Variants in ACACA observed in about 807,000 individuals in gnomAD.
ACACA encodes acetyl-CoA carboxylase 1.
In ACACA, 103 loss-of-function variants were observed where a neutral mutation model predicts 296.1. That is an observed-to-expected ratio of 0.35 (90% CI 0.30 to 0.41). ACACA has a LOEUF of 0.41. Ranked by LOEUF, ACACA falls within the 10% of genes least tolerant of loss-of-function variation. The pLI is 1.00. For synonymous variants in ACACA, 953 were observed against 1,038.6 expected, an observed-to-expected ratio of 0.92 and a Z score of 1.58; for missense variants, 1,554 against 2,989.7, an observed-to-expected ratio of 0.52 and a Z score of 11.20.
At chr17:37,181,432 G>C in intron 39 of ACACA, 76 bp from the exon 40 acceptor site, 1 of 1,506,966 alleles carries the variant, frequency 6.6e-7, no homozygotes, top group Admixed American at 1.7e-5. Context: ...GGCTTTTTTT[G>C]CACAAATATT....
Position 37,192,080 on chromosome 17 carries a change from C to A in ACACA, c.4416+10G>T. On this transcript the variant is annotated intron_variant, in intron 37 of 55. Coordinates refer to ENST00000616317, the MANE Select transcript of ACACA (RefSeq NM_198834.3). ...TCAGGGATAACATCCCATTAAAGTA[C>A]AGCACCCACCTTGGTGACCAGATCA... The A allele has an allele frequency of 1.9e-6, 3 of 1,613,542 alleles. No homozygotes were observed. The highest frequency in any genetic ancestry group is 2.5e-6 in the Non-Finnish European group (3 of 1,179,692).
chr17:37,310,793 CA>C (rs74268026), intron 3 of ACACA, among the ~76,000 whole-genome samples: 241 of 50,524 alleles, frequency 4.8e-3, no homozygotes, highest in African/African-American at 0.012. Context: ...GACACCATCT[CA>C]AAAAAAAAAA....
chr17:37,381,717 T>A lies in ACACA; in HGVS notation c.38+24545A>T, dbSNP rs968237448. Among the ~76,000 whole-genome samples the A allele has an allele frequency of 1.4e-5, 2 of 146,116 alleles. 1 individual carries two copies. The highest frequency in any genetic ancestry group is 4.3e-4 in the East Asian group (2 of 4,606). On this transcript the variant is annotated intron_variant, in intron 1 of 55. Transcript: ENST00000616317. ...ATCTCAGCTCACTGCAAGCTCCGCC[T>A]CTCGGGTTCACGCCATTCTCCTGCC...
intron 1 of ACACA, chr17:37,365,602 A>C (rs1377030545): frequency 1.1e-5 from 11 of 985,336 alleles, no homozygotes; most frequent in Non-Finnish European, 1.2e-5. Flanking sequence ...GTGATATAAA[A>C]GAAAAATAAG....
At chr17:37,187,684 G>A (rs1324832647) in intron 39 of ACACA, among the ~76,000 whole-genome samples, 2 of 152,172 alleles carry the variant, frequency 1.3e-5, no homozygotes, top group Non-Finnish European at 2.9e-5. Context: ...CTTTGCTCTT[G>A]TATAATATAT....
Position 37,181,873 on chromosome 17 carries a change from C to G in ACACA, c.4777-517G>C, listed in dbSNP as rs550753219. Among the ~76,000 whole-genome samples, 704 of 120,106 alleles carry G rather than the reference C, an allele frequency of 5.9e-3. 8 individuals carry two copies. Among genetic ancestry groups the G allele is most frequent in the African/African-American group, 0.022 (662 of 30,468 alleles). 78.8% of individuals were successfully genotyped at this position (120,106 alleles called of 152,430 possible). On this transcript the variant is annotated intron_variant, in intron 39 of 55. Coordinates refer to ENST00000616317, the MANE Select transcript of ACACA (RefSeq NM_198834.3). ...CAAGATTGCGCCACTGCACTCCAGC[C>G]TGGGCAACAGAGCAAGACTCTGTAT...
chr17:37,102,342 T>C (rs992397589), intron 52 of ACACA, among the ~76,000 whole-genome samples: 2 of 151,868 alleles, frequency 1.3e-5, no homozygotes, highest in Admixed American at 1.3e-4. Flanking sequence ...GTAGCTGGGA[T>C]TACAGGTGCC....
At chr17:37,234,791 C>T (rs1471870336) in intron 25 of ACACA, among the ~76,000 whole-genome samples, 184 bp downstream of exon 25, 2 of 152,186 alleles carry the variant, frequency 1.3e-5, no homozygotes, top group Admixed American at 1.3e-4. Context: ...CTCACTAAAG[C>T]AGGTTCCTTC....
chr17:37,225,222 A>C, intron 26 of ACACA, 117 bp from the exon 27 acceptor site: 1 of 704,540 alleles, frequency 1.4e-6, no homozygotes, highest in Admixed American at 2.1e-5. Flanking sequence ...GGCATCACAG[A>C]TAAAACAGAG....
chr17:37,371,883 C>A (rs1485346725), intron 1 of ACACA, among the ~76,000 whole-genome samples: 1 of 150,138 alleles, frequency 6.7e-6, no homozygotes, highest in Non-Finnish European at 1.5e-5. Context: ...CTGGGGGACA[C>A]AGCGAGACTA....
chr17:37,256,985 A>G (rs2081257260), intron 14 of ACACA, among the ~76,000 whole-genome samples: 2 of 152,170 alleles, frequency 1.3e-5, no homozygotes, highest in Admixed American at 1.3e-4. Context: ...TCAATTTTAG[A>G]TAGATATTCC....
At chr17:37,186,041 T>C (rs978455095) in intron 39 of ACACA, among the ~76,000 whole-genome samples, 5 of 152,220 alleles carry the variant, frequency 3.3e-5, no homozygotes, top group Admixed American at 2.6e-4. Flanking sequence ...ATCAACCTTG[T>C]TCCTTATTGG....
At chr17:37,146,436 T>C (rs1597967406) in intron 45 of ACACA, among the ~76,000 whole-genome samples, 1 of 149,800 alleles carries the variant, frequency 6.7e-6, no homozygotes, top group East Asian at 2.0e-4. Flanking sequence ...AATGATGGGG[T>C]TTGGGGGGTA....
At position 37,087,055 on chromosome 17, in the gene ACACA, A is replaced by G; in HGVS notation, c.*261T>C. 1.7e-6 allele frequency: 1 copy of G among 574,574 alleles called. No individual in the cohort carries two copies. Among genetic ancestry groups the G allele is most frequent in the Non-Finnish European group, 3.1e-6 (1 of 320,596 alleles). 35.6% of individuals were successfully genotyped at this position (574,574 alleles called of 1,614,324 possible). A position where few individuals can be genotyped will look rare whatever the true frequency, so the allele number is the denominator to read the frequency against. On this transcript the variant is annotated 3_prime_UTR_variant, in exon 56 of 56. Coordinates refer to ENST00000616317, the MANE Select transcript of ACACA (RefSeq NM_198834.3). ...TGTTTGTACCTTTCATTGCCTTCTCAGTCCTGTGCAGGGAGTGGAGGACTA... is the reference window on the plus strand; with the variant it reads ...TGTTTGTACCTTTCATTGCCTTCTCGGTCCTGTGCAGGGAGTGGAGGACTA...
In ACACA at chr17:37,270,189, C is replaced by A. The variant is rs549650050; in HGVS notation, c.1119+562G>T. Among the ~76,000 whole-genome samples, 7 of 152,260 alleles carry A rather than the reference C, an allele frequency of 4.6e-5. No individual in the cohort carries two copies. The East Asian group carries it at 9.7e-4, about 21-fold the overall frequency. ...GTAGGCCTGCCATAGGGTTCCTGTG[C>A]CAGGGTGTGGTGGCCATGCAACACG... On this transcript the variant is annotated intron_variant, in intron 10 of 55. Coordinates refer to ENST00000616317, the MANE Select transcript of ACACA (RefSeq NM_198834.3).
Position 37,113,025 on chromosome 17 carries a change from G to C in ACACA, c.6452+63C>G, listed in dbSNP as rs924133086. 3.8e-6 allele frequency: 6 copies of C among 1,594,190 alleles called. No homozygotes were observed. Among genetic ancestry groups the C allele is most frequent in the Non-Finnish European group, 5.2e-6 (6 of 1,164,682 alleles). On this transcript the variant is annotated intron_variant, in intron 51 of 55. Transcript: ENST00000616317. The surrounding 1 kb of genome is among the most constrained non-coding windows in gnomAD (Gnocchi z 4.0). ...AGTGCCATGGCTGTAACATTCTCCAGGAGGAAACCAACAGCTACAGGGTCC... is the reference window on the plus strand; with the variant it reads ...AGTGCCATGGCTGTAACATTCTCCACGAGGAAACCAACAGCTACAGGGTCC...
At chr17:37,168,985 T>C (rs1473225841) in intron 41 of ACACA, among the ~76,000 whole-genome samples, 1 of 152,226 alleles carries the variant, frequency 6.6e-6, no homozygotes, top group Non-Finnish European at 1.5e-5. Flanking sequence ...CGAAAGCTTT[T>C]ATTTATACAG....
Position 37,088,951 on chromosome 17 carries a change from T to G in ACACA, c.7015A>C (p.Lys2339Gln). 6.2e-7 allele frequency: 1 copy of G among 1,614,236 alleles called. No homozygotes were observed. The highest frequency in any genetic ancestry group is 8.5e-7 in the Non-Finnish European group (1 of 1,180,034). ...CGTTGGTCTCACCTGCGGATTTGCTTGAGGACGTAGTCTCTGCTGATGCAT... is the reference window on the plus strand; with the variant it reads ...CGTTGGTCTCACCTGCGGATTTGCTGGAGGACGTAGTCTCTGCTGATGCAT... ...IKCISRDYVL[K>Q]QIRSLVQANP... is the part of the protein sequence containing the mutation. The change falls in exon 55 of 56, where the codon AAG (lysine) becomes CAG (glutamine). Residue 2339 changes from lysine (K) to glutamine (Q), a missense_variant. Coordinates refer to ENST00000616317, the MANE Select transcript of ACACA (RefSeq NM_198834.3).
At chr17:37,088,768 T>C (rs2072398899) in intron 55 of ACACA, among the ~76,000 whole-genome samples, 170 bp downstream of exon 55, 1 of 152,210 alleles carries the variant, frequency 6.6e-6, no homozygotes, top group Admixed American at 6.5e-5. Context: ...TGAAAAAGAA[T>C]TGGGCTTCAG....
Sources: gnomAD v4.1 joint callset for allele counts (sites outside exome capture counted in the v4.1 genomes callset) on GRCh38, gnomAD v4.1.1 for gene constraint, Gnocchi (gnomAD v3.1) non-coding constraint, MANE v1.5 for transcripts, NCBI Gene and HGNC (gene_info 2026-07-23, HGNC 2026-07-21) for gene names.